The following NR6A1 variants were observed in gnomAD, a reference collection of about 807,000 sequenced individuals.
The protein encoded by NR6A1 is retinoic acid receptor-related testis-associated receptor.
NR6A1 carries 7 observed loss-of-function variants against 59.1 expected under a neutral mutation model. The observed-to-expected ratio is 0.12, with a 90% CI of 0.07 to 0.22. The LOEUF (loss-of-function observed/expected upper bound fraction) is 0.22. Ranked by LOEUF, NR6A1 falls within the 10% of genes least tolerant of loss-of-function variation. The pLI, the probability that NR6A1 is intolerant of heterozygous loss-of-function variation, is 1.00. For synonymous variants in NR6A1, 243 were observed against 236.1 expected (o/e 1.03, Z -0.27); for missense variants, 468 against 611.6 (o/e 0.77, Z 2.48).
chr9:124,619,079 G>GAAT (rs1835984602), intron 2 of NR6A1, among the ~76,000 whole-genome samples: 1 of 152,046 alleles, frequency 6.6e-6, no homozygotes, highest in Non-Finnish European at 1.5e-5. Context: ...ATTCATAATA[G>GAAT]AGAACAAATA....
intron 2 of NR6A1, among the ~76,000 whole-genome samples, chr9:124,727,724 A>G (rs1839761390): frequency 6.6e-6 from 1 of 152,164 alleles, no homozygotes; most frequent in African/African-American, 2.4e-5. Flanking sequence ...TCGCTCTGTC[A>G]CCCAGGCTGG....
chr9:124,703,239 A>G (rs1839019699), intron 2 of NR6A1, among the ~76,000 whole-genome samples: 2 of 108,148 alleles, frequency 1.8e-5, no homozygotes, highest in Admixed American at 1.1e-4. Context: ...TTGAGACAGG[A>G]TCTCGCTCTG....
chr9:124,542,768 G>C (rs530571966), intron 4 of NR6A1, among the ~76,000 whole-genome samples: 1 of 152,246 alleles, frequency 6.6e-6, no homozygotes, highest in African/African-American at 2.4e-5. Context: ...ATGTCGCCCA[G>C]GCTCGTCTTG....
intron 2 of NR6A1, among the ~76,000 whole-genome samples, chr9:124,626,020 A>G (rs1000669106): frequency 3.9e-5 from 6 of 152,014 alleles, no homozygotes; most frequent in African/African-American, 1.4e-4. Context: ...TCATTTATTT[A>G]TTTTTTGAGA....
At position 124,526,850 on chromosome 9, in the gene NR6A1, T is replaced by A. The variant is rs1456069702; in HGVS notation, c.1130A>T (p.His377Leu). Residue 377 changes from histidine to leucine, a missense_variant, in exon 8 of 10, where the codon CAC becomes CTC. Physicochemically the swap from His to Leu is moderately conservative, Grantham distance 99 (BLOSUM62 -3). Around this residue, in one of 4 missense-constraint regions of NR6A1, gnomAD observed 176 missense variants for 264.0 expected, o/e 0.67. Transcript: ENST00000487099. ...GCTGACCTTTAGCTGATGGAACTTGTGATAGAGGTAGATGAGCCGCTCGAT... is the reference window on the plus strand; with the variant it reads ...GCTGACCTTTAGCTGATGGAACTTGAGATAGAGGTAGATGAGCCGCTCGAT... Reference protein sequence around the residue: ...EVIERLIYLYHKFHQLKVSNE... With the variant: ...EVIERLIYLYLKFHQLKVSNE... 3 of 1,614,134 alleles carry A rather than the reference T, an allele frequency of 1.9e-6. No homozygotes were observed. Among genetic ancestry groups the A allele is most frequent in the Non-Finnish European group, 1.7e-6 (2 of 1,179,978 alleles).
chr9:124,697,569 T>G (rs1478715380), intron 2 of NR6A1, among the ~76,000 whole-genome samples: 3 of 151,740 alleles, frequency 2.0e-5, no homozygotes, highest in Non-Finnish European at 2.9e-5. Flanking sequence ...GATGGTATGT[T>G]GTGTAGGCCA....
rs568142592 is a variant in NR6A1, at chr9:124,734,078, C to T, written c.101-729G>A. On this transcript the variant is annotated intron_variant, in intron 1 of 9. Transcript: ENST00000487099. ...AAAGGTTTTGTTTTTCCTGAAATGGCTGCATACTTTCTTCTGTTTGCTTTC... is the reference window on the plus strand; with the variant it reads ...AAAGGTTTTGTTTTTCCTGAAATGGTTGCATACTTTCTTCTGTTTGCTTTC... 6.0e-4 allele frequency among the ~76,000 whole-genome samples: 91 copies of T among 152,354 alleles called. 1 individual carries two copies. The South Asian group carries it at 0.018, about 31-fold the overall frequency.
intron 2 of NR6A1, among the ~76,000 whole-genome samples, chr9:124,727,269 A>G (rs939492731): frequency 2.0e-5 from 3 of 152,344 alleles, no homozygotes; most frequent in South Asian, 2.1e-4. Context: ...AGTTTTACAC[A>G]ATTGTTTGTA....
intron 2 of NR6A1, among the ~76,000 whole-genome samples, chr9:124,608,489 C>A (rs1835638750): frequency 6.6e-6 from 1 of 152,218 alleles, no homozygotes; most frequent in African/African-American, 2.4e-5. Flanking sequence ...TTTTTTATGG[C>A]TGCAGAGTAT....
chr9:124,683,471 C>G (rs1588780432), intron 2 of NR6A1, among the ~76,000 whole-genome samples: 1 of 152,278 alleles, frequency 6.6e-6, no homozygotes, highest in East Asian at 1.9e-4. Flanking sequence ...TTCATTCCTG[C>G]TCTCACTTAA....
At chr9:124,627,525 C>A (rs1329591487) in intron 2 of NR6A1, among the ~76,000 whole-genome samples, 1 of 152,292 alleles carries the variant, frequency 6.6e-6, no homozygotes, top group East Asian at 1.9e-4. Context: ...TTGATTCTAG[C>A]AAAAGTTTGG....
intron 2 of NR6A1, chr9:124,598,741 C>T (rs1588698917): frequency 2.2e-6 from 2 of 924,382 alleles, no homozygotes; most frequent in Non-Finnish European, 3.5e-6. Context: ...TGGTCTTCTC[C>T]CTTCTCCTTC....
chr9:124,604,026 A>G (rs1363311311), intron 2 of NR6A1, among the ~76,000 whole-genome samples: 1 of 152,204 alleles, frequency 6.6e-6, no homozygotes, highest in African/African-American at 2.4e-5. Flanking sequence ...AGGCATAGGT[A>G]AAAGAAAGGA....
intron 9 of NR6A1, among the ~76,000 whole-genome samples, chr9:124,523,341 G>A (rs1442823005): frequency 6.6e-6 from 1 of 152,182 alleles, no homozygotes. Flanking sequence ...TTTCTTGATT[G>A]AAGGACTTCT....
chr9:124,615,708 G>A lies in NR6A1; in HGVS notation c.143-61138C>T, dbSNP rs543170679. ...TTTGTCAAAGAGCTGAACAAGAGAAGACTGATTATAGGTTAAAATTTACAT... is the reference window on the plus strand; with the variant it reads ...TTTGTCAAAGAGCTGAACAAGAGAAAACTGATTATAGGTTAAAATTTACAT... On this transcript the variant is annotated intron_variant, in intron 2 of 9. Coordinates refer to ENST00000487099, the MANE Select transcript of NR6A1 (RefSeq NM_033334.4). Among the ~76,000 whole-genome samples, 58 of 151,874 alleles carry A rather than the reference G, an allele frequency of 3.8e-4. 1 individual carries two copies. The highest frequency in any genetic ancestry group is 1.3e-3 in the African/African-American group (54 of 41,410).
intron 2 of NR6A1, among the ~76,000 whole-genome samples, chr9:124,671,477 A>G (rs1017447582): frequency 2.0e-5 from 3 of 152,190 alleles, no homozygotes; most frequent in South Asian, 2.1e-4. Flanking sequence ...ATTTCCTCCA[A>G]AGACATTTAT....
chr9:124,751,244 T>C (rs533310842), intron 1 of NR6A1, among the ~76,000 whole-genome samples: 2 of 152,350 alleles, frequency 1.3e-5, no homozygotes, highest in East Asian at 3.8e-4. Flanking sequence ...AGGCTAATAC[T>C]GCACATCAAT....
intron 2 of NR6A1, among the ~76,000 whole-genome samples, chr9:124,575,601 CT>C (rs1202936228): frequency 6.6e-6 from 1 of 152,068 alleles, no homozygotes; most frequent in Non-Finnish European, 1.5e-5. Flanking sequence ...AAAATTAAAT[CT>C]CAGCTTTAAC....
intron 1 of NR6A1, among the ~76,000 whole-genome samples, chr9:124,757,385 T>A (rs1840662267): frequency 7.2e-6 from 1 of 137,976 alleles, no homozygotes; most frequent in African/African-American, 2.7e-5. Flanking sequence ...GTGAAGTTTA[T>A]AACAGGAGAA....
Sources: gnomAD v4.1 joint callset for allele counts (sites outside exome capture counted in the v4.1 genomes callset) on GRCh38, gnomAD v4.1.1 for gene constraint, gnomAD v4.1.1 regional missense constraint, MANE v1.5 for transcripts, NCBI Gene and HGNC (gene_info 2026-07-23, HGNC 2026-07-21) for gene names.